Variants in PDE10A observed in about 807,000 individuals in gnomAD.
PDE10A encodes cAMP and cAMP-inhibited cGMP 3',5'-cyclic phosphodiesterase 10A.
Under a neutral mutation model 97.7 loss-of-function variants are expected in PDE10A, and 39 were observed. That is an observed-to-expected ratio of 0.40 (90% CI 0.31 to 0.52). The LOEUF (loss-of-function observed/expected upper bound fraction) is 0.52. Among genes scored for constraint, PDE10A ranks in the 20% least tolerant of loss-of-function variants. PDE10A has a pLI of 0.56. For synonymous variants in PDE10A, 371 were observed against 376.8 expected (o/e 0.98, Z 0.18); for missense variants, 731 against 1,047.8 (o/e 0.70, Z 4.17).
chr6:165,708,460 C>A (rs191209660), intron 1 of PDE10A, among the ~76,000 whole-genome samples: 7 of 152,106 alleles, frequency 4.6e-5, no homozygotes, highest in African/African-American at 1.7e-4. Flanking sequence ...CAGAACCCTG[C>A]ATTTCATGTC....
intron 3 of PDE10A, among the ~76,000 whole-genome samples, chr6:165,460,995 T>C (rs532209393): frequency 6.6e-6 from 1 of 152,300 alleles, no homozygotes; most frequent in South Asian, 2.1e-4. Context: ...GGTTAACAGA[T>C]AAGCCAATTT....
At chr6:165,450,723 G>A (rs892205257) in intron 3 of PDE10A, among the ~76,000 whole-genome samples, 1 of 151,816 alleles carries the variant, frequency 6.6e-6, no homozygotes, top group Non-Finnish European at 1.5e-5. Context: ...ACCATGCCTG[G>A]CTAATTTTTG....
rs192680544 is a variant in PDE10A at position 165,535,075 on chromosome 6, G to A, written c.994+8365C>T. ...CTTTAGCAAACAAGCTATTTGAACT[G>A]ATACACGAATTCAGTAAAGTTGCAG... On this transcript the variant is annotated intron_variant, in intron 2 of 21. Transcript: ENST00000539869. Among the ~76,000 whole-genome samples the A allele has an allele frequency of 1.3e-4, 20 of 152,030 alleles. 1 individual carries two copies. In the East Asian group the frequency reaches 3.5e-3, roughly 26 times the overall value.
chr6:165,643,243 GTGGA>G (rs139921985), intron 1 of PDE10A, among the ~76,000 whole-genome samples: 8 of 151,548 alleles, frequency 5.3e-5, no homozygotes, highest in Admixed American at 3.3e-4. Context: ...GGGTGGGTGG[GTGGA>G]TGGATGGATG....
rs531954511 is a variant in PDE10A, at chr6:165,741,824, A to C, written c.-614-198256T>G. On this transcript the variant is annotated intron_variant, in intron 1 of 19. Transcript: ENST00000366882. ...CTTTAATGATTTACTTTATGAAAAA[A>C]ATCTGCAAAGCATGACCTAAATTTA... Among the ~76,000 whole-genome samples the C allele has an allele frequency of 2.5e-4, 38 of 152,344 alleles. 1 individual carries two copies. Among genetic ancestry groups the C allele is most frequent in the Middle Eastern group, 3.4e-3 (1 of 294 alleles).
intron 1 of PDE10A, among the ~76,000 whole-genome samples, chr6:165,968,715 A>G (rs554129919): frequency 6.6e-6 from 1 of 152,370 alleles, no homozygotes; most frequent in Non-Finnish European, 1.5e-5. Flanking sequence ...ATCAAAAAGG[A>G]AAACACATAA....
At position 165,418,549 on chromosome 6, in the gene PDE10A, T is replaced by A; in HGVS notation, c.1796+86A>T. ...CACAGTATGACAAGTATTGTCAGCATACCTGTGAATAGGCACAGAAAAATG... is the reference window on the plus strand; with the variant it reads ...CACAGTATGACAAGTATTGTCAGCAAACCTGTGAATAGGCACAGAAAAATG... On this transcript the variant is annotated intron_variant, in intron 11 of 21. Transcript: ENST00000539869. The surrounding 1 kb of genome is among the most constrained non-coding windows in gnomAD (Gnocchi z 4.8). The A allele has an allele frequency of 8.2e-7, 1 of 1,219,704 alleles. No individual in the cohort carries two copies. Among genetic ancestry groups the A allele is most frequent in the South Asian group, 1.3e-5 (1 of 78,908 alleles). 75.6% of individuals were successfully genotyped at this position (1,219,704 alleles called of 1,614,324 possible).
Position 165,418,884 on chromosome 6 carries a change from T to C in PDE10A, c.1654-107A>G. ...TAATTTCAGCTGTCCTATACTCTAA[T>C]TGGTTGGTATTAGCATTATAAGTAA... On this transcript the variant is annotated intron_variant, in intron 10 of 21. Transcript: ENST00000539869. The surrounding 1 kb of genome is among the most constrained non-coding windows in gnomAD (Gnocchi z 4.8). The C allele has an allele frequency of 2.5e-6, 2 of 791,166 alleles. No individual in the cohort carries two copies. The highest frequency in any genetic ancestry group is 4.1e-6 in the Non-Finnish European group (2 of 484,988). 49.0% of individuals were successfully genotyped at this position (791,166 alleles called of 1,614,324 possible). A position where few individuals can be genotyped will look rare whatever the true frequency, so the allele number is the denominator to read the frequency against.
At chr6:165,932,747 C>T (rs548538328) in intron 1 of PDE10A, among the ~76,000 whole-genome samples, 1 of 152,238 alleles carries the variant, frequency 6.6e-6, no homozygotes, top group Non-Finnish European at 1.5e-5. Flanking sequence ...GCTGGGATTA[C>T]AGGCATGAGC....
chr6:165,842,980 A>C (rs1366259483), intron 1 of PDE10A, among the ~76,000 whole-genome samples: 1 of 152,198 alleles, frequency 6.6e-6, no homozygotes, highest in Non-Finnish European at 1.5e-5. Flanking sequence ...GATTAGAGAG[A>C]GCTTTGAAAA....
chr6:165,568,523 T>A (rs58263170), intron 1 of PDE10A, among the ~76,000 whole-genome samples: 15,161 of 152,204 alleles, frequency 0.1, 1,545 homozygotes, highest in African/African-American at 0.27. Context: ...TCTCCCTTTG[T>A]CCAGCGTCTC....
chr6:165,392,580 G>T, intron 16 of PDE10A, 66 bp downstream of exon 16: 2 of 1,452,258 alleles, frequency 1.4e-6, no homozygotes, highest in Non-Finnish European at 9.6e-7. Flanking sequence ...TCATCAATGT[G>T]CTCCTGACAC....
chr6:165,498,726 T>C (rs1360046816), intron 2 of PDE10A, among the ~76,000 whole-genome samples: 1 of 152,160 alleles, frequency 6.6e-6, no homozygotes, highest in Admixed American at 6.5e-5. Context: ...CTGACTTAAA[T>C]TGTCTCATTT....
chr6:165,800,506 A>C (rs755139101), intron 1 of PDE10A, among the ~76,000 whole-genome samples: 5 of 152,180 alleles, frequency 3.3e-5, no homozygotes, highest in Non-Finnish European at 7.3e-5. Flanking sequence ...GCCGAGTGCC[A>C]CAGGAAATGC....
intron 2 of PDE10A, among the ~76,000 whole-genome samples, chr6:165,500,893 G>A (rs377476131): frequency 3.3e-5 from 5 of 152,194 alleles, no homozygotes; most frequent in African/African-American, 1.2e-4. Flanking sequence ...TGCTCTTTAC[G>A]GCACCCAGAT....
chr6:165,611,642 G>A (rs1787500302), intron 1 of PDE10A, among the ~76,000 whole-genome samples: 1 of 152,208 alleles, frequency 6.6e-6, no homozygotes, highest in Non-Finnish European at 1.5e-5. Context: ...TAGCCTATCA[G>A]TATCACTGCT....
chr6:165,783,618 T>C (rs891645228), intron 1 of PDE10A, among the ~76,000 whole-genome samples: 12 of 152,306 alleles, frequency 7.9e-5, no homozygotes, highest in Non-Finnish European at 1.5e-4. Flanking sequence ...CATCAACACC[T>C]GTAATATCAT....
chr6:165,883,745 G>A (rs1351741198), intron 1 of PDE10A, among the ~76,000 whole-genome samples: 2 of 152,022 alleles, frequency 1.3e-5, no homozygotes, highest in African/African-American at 4.8e-5. Flanking sequence ...AGAGGAACAC[G>A]AGGAGGTGTG....
chr6:165,801,682 C>T (rs1375588997), intron 1 of PDE10A, among the ~76,000 whole-genome samples: 2 of 152,158 alleles, frequency 1.3e-5, no homozygotes, highest in Non-Finnish European at 2.9e-5. Context: ...AAATCAACAC[C>T]ATGTTTCTAG....
Sources: gnomAD v4.1 joint callset for allele counts (sites outside exome capture counted in the v4.1 genomes callset) on GRCh38, gnomAD v4.1.1 for gene constraint, Gnocchi (gnomAD v3.1) non-coding constraint, MANE v1.5 for transcripts, NCBI Gene and HGNC (gene_info 2026-07-23, HGNC 2026-07-21) for gene names.